Variants in SGK1 observed in about 807,000 individuals in gnomAD.
The protein encoded by SGK1 is serum/glucocorticoid regulated kinase 1.
Under a neutral mutation model 64.2 loss-of-function variants are expected in SGK1, and 26 were observed. The observed-to-expected ratio is 0.40, with a 90% CI of 0.30 to 0.56. SGK1 has a LOEUF of 0.56. Ranked by LOEUF, SGK1 falls within the 20% of genes least tolerant of loss-of-function variation. The probability of loss-of-function intolerance (pLI) is 0.38; values close to 1 mark genes in which losing one functional copy is unlikely to be tolerated. For synonymous variants in SGK1, 265 were observed against 239.7 expected (o/e 1.11, Z -0.98); for missense variants, 519 against 645.6 (o/e 0.80, Z 2.12).
At chr6:134,195,286 A>C (rs1486491915) in intron 3 of SGK1, among the ~76,000 whole-genome samples, 1 of 152,244 alleles carries the variant, frequency 6.6e-6, no homozygotes, top group Non-Finnish European at 1.5e-5. Flanking sequence ...ATAACAAGCA[A>C]TTTTGGTCAG....
chr6:134,204,237 T>C (rs890039059), intron 3 of SGK1, among the ~76,000 whole-genome samples: 12 of 149,164 alleles, frequency 8.0e-5, no homozygotes, highest in South Asian at 2.1e-4. Context: ...AATAAATAAA[T>C]AAATAAATAA....
chr6:134,203,841 A>G (rs1775724281), intron 3 of SGK1, among the ~76,000 whole-genome samples: 1 of 152,188 alleles, frequency 6.6e-6, no homozygotes, highest in African/African-American at 2.4e-5. Context: ...AGGTGGGTGG[A>G]TCACCTGAGG....
chr6:134,216,179 G>T (rs1775978501), intron 2 of SGK1, among the ~76,000 whole-genome samples: 2 of 152,106 alleles, frequency 1.3e-5, no homozygotes, highest in Non-Finnish European at 2.9e-5. Flanking sequence ...ATATGGGTTT[G>T]TCTCTGATTC....
intron 3 of SGK1, among the ~76,000 whole-genome samples, chr6:134,192,311 ATT>A (rs1401211147): frequency 7.2e-5 from 11 of 151,872 alleles, no homozygotes; most frequent in Non-Finnish European, 1.5e-4. Context: ...TGCCACGCTC[ATT>A]TAAGAGGAAA....
chr6:134,245,479 G>A (rs191500307), intron 2 of SGK1, among the ~76,000 whole-genome samples: 34 of 152,238 alleles, frequency 2.2e-4, no homozygotes, highest in African/African-American at 7.7e-4. Flanking sequence ...CAGAATCAGG[G>A]CTAAAAATCT....
chr6:134,277,569 G>T (rs1777036031), intron 1 of SGK1, among the ~76,000 whole-genome samples: 1 of 151,976 alleles, frequency 6.6e-6, no homozygotes, highest in Admixed American at 6.6e-5. Context: ...AATGGGAGGA[G>T]GTATCACTAT....
At chr6:134,172,067 T>C in intron 10 of SGK1, 126 bp downstream of exon 10, 3 of 1,043,642 alleles carry the variant, frequency 2.9e-6, no homozygotes, top group South Asian at 3.2e-5. Flanking sequence ...TGTATTTTAT[T>C]TGCACTGAAC....
rs148818592 is a variant in SGK1 at position 134,307,476 on chromosome 6, C to T, written c.69+9916G>A. On this transcript the variant is annotated intron_variant, in intron 1 of 13. Coordinates refer to ENST00000367858, the MANE Select transcript of SGK1 (RefSeq NM_001143676.3). ...TCTCTGCGGGGGATTGATTCCAGGA[C>T]CCCTGCAGATCCTAAAATCCATAGA... Among the ~76,000 whole-genome samples the T allele has an allele frequency of 2.9e-3, 437 of 152,266 alleles. 4 individuals carry two copies. The highest frequency in any genetic ancestry group is 9.8e-3 in the African/African-American group (409 of 41,554).
rs58915130 is a variant in SGK1, at chr6:134,211,122, C to CA, written c.286-3692dup. Among the ~76,000 whole-genome samples the CA allele has an allele frequency of 3.3e-3, 386 of 115,374 alleles. 2 individuals are homozygous for CA. The highest frequency in any genetic ancestry group is 0.025 in the Middle Eastern group (5 of 198). The allele number at this position is 115,374 out of a possible 152,430, so 75.7% of individuals were successfully genotyped here. On this transcript the variant is annotated intron_variant, in intron 2 of 13. Transcript: ENST00000367858. ...CCTGGGCGACAGGGAGACTCTGTCT[C>CA]AAAAAAAAAAAAAAATTGTTAAAAG... is the stretch of plus-strand genomic sequence containing the variant.
At chr6:134,253,951 C>A (rs1254606524) in intron 2 of SGK1, among the ~76,000 whole-genome samples, 1 of 152,094 alleles carries the variant, frequency 6.6e-6, no homozygotes, top group East Asian at 1.9e-4. Flanking sequence ...GGACAGCGGA[C>A]TCTGAGGAAA....
intron 2 of SGK1, among the ~76,000 whole-genome samples, chr6:134,220,058 C>CAAAAAAAAAAAAAAAA (rs55870107): frequency 4.1e-4 from 25 of 61,348 alleles, no homozygotes; most frequent in African/African-American, 1.6e-3. Flanking sequence ...GACTCCGTCT[C>CAAAAAAAAAAAAAAAA]AAAAAAAAAA....
At chr6:134,278,188 T>TG (rs1429964218) in intron 1 of SGK1, among the ~76,000 whole-genome samples, 1 of 152,232 alleles carries the variant, frequency 6.6e-6, no homozygotes, top group Non-Finnish European at 1.5e-5. Context: ...AATGAACAAA[T>TG]GATCAAATGA....
intron 2 of SGK1, among the ~76,000 whole-genome samples, chr6:134,208,894 G>GTGTATA (rs1775838738): frequency 2.9e-5 from 1 of 34,262 alleles, no homozygotes; most frequent in Non-Finnish European, 1.1e-4. Context: ...ATGTATGTGT[G>GTGTATA]TGTATATATA....
intron 2 of SGK1, among the ~76,000 whole-genome samples, chr6:134,211,287 A>C (rs980353888): frequency 6.6e-6 from 1 of 152,180 alleles, no homozygotes; most frequent in African/African-American, 2.4e-5. Context: ...TTATAAGTGG[A>C]ATTTTTTTTT....
At chr6:134,297,053 C>A (rs1777365382) in intron 1 of SGK1, 1 of 459,654 alleles carries the variant, frequency 2.2e-6, no homozygotes, top group Non-Finnish European at 4.2e-6. Flanking sequence ...GGGTCTCGAT[C>A]TTCTTCACAA....
chr6:134,174,973 G>T (rs1035874393), intron 3 of SGK1: 6 of 1,350,406 alleles, frequency 4.4e-6, no homozygotes, highest in Non-Finnish European at 5.9e-6. Context: ...GCCCCGCCCC[G>T]GCCGCCTCGC....
intron 2 of SGK1, chr6:134,261,689 T>C: frequency 3.3e-6 from 2 of 604,180 alleles, no homozygotes; most frequent in Non-Finnish European, 5.8e-6. Context: ...GACAAGCGTA[T>C]ATGGGTAATC....
At chr6:134,294,597 T>A (rs533991935) in intron 1 of SGK1, among the ~76,000 whole-genome samples, 22 of 152,312 alleles carry the variant, frequency 1.4e-4, no homozygotes, top group Admixed American at 7.8e-4. Context: ...TGCAATGGCA[T>A]TATCTCGGCT....
chr6:134,283,873 CAAAAAAAAAAAAAAAAAAA>C (rs35999916), intron 1 of SGK1, among the ~76,000 whole-genome samples: 1 of 26,128 alleles, frequency 3.8e-5, no homozygotes, highest in Non-Finnish European at 7.2e-5. Context: ...CTGCCACCAC[CAAAAAAAAAAAAAAAAAAA>C]AAAAAAAAAA....
Sources: allele counts gnomAD v4.1 joint callset (sites outside exome capture counted in the v4.1 genomes callset), GRCh38; gene constraint gnomAD v4.1.1; transcripts MANE v1.5; gene names NCBI Gene and HGNC (gene_info 2026-07-23, HGNC 2026-07-21).